Variants in CCNY observed in about 807,000 individuals in gnomAD.
CCNY encodes the protein cyclin Y.
In CCNY, 19 loss-of-function variants were observed where a neutral mutation model predicts 42.8. The observed-to-expected ratio is 0.44, with a 90% CI of 0.31 to 0.65. CCNY has a LOEUF of 0.65. Ranked by LOEUF, CCNY falls within the 30% of genes least tolerant of loss-of-function variation. The pLI is 0.07. For synonymous variants in CCNY, 165 were observed against 162.7 expected (o/e 1.01, Z -0.11); for missense variants, 370 against 437.3 (o/e 0.85, Z 1.37).
At chr10:35,503,017 A>T (rs148201108) in intron 3 of CCNY, among the ~76,000 whole-genome samples, 2 of 152,244 alleles carry the variant, frequency 1.3e-5, no homozygotes, top group Non-Finnish European at 2.9e-5. Flanking sequence ...CTCTGTTATC[A>T]TTGTAGCTGA....
intron 1 of CCNY, among the ~76,000 whole-genome samples, chr10:35,355,658 A>G (rs1836529793): frequency 1.4e-5 from 2 of 142,672 alleles, no homozygotes; most frequent in African/African-American, 5.2e-5. Context: ...AGCCTGGGCA[A>G]CAGAGCAAGA....
At chr10:35,355,678 CAAAAAAAAAAAAAAAAAA>C (rs60257114) in intron 1 of CCNY, among the ~76,000 whole-genome samples, 4 of 57,416 alleles carry the variant, frequency 7.0e-5, no homozygotes, top group East Asian at 6.1e-4. Context: ...ATACTGTCTC[CAAAAAAAAAAAAAAAAAA>C]AAAAAAAAAA....
intron 1 of CCNY, among the ~76,000 whole-genome samples, chr10:35,454,748 T>C (rs1838993200): frequency 6.6e-6 from 1 of 152,236 alleles, no homozygotes; most frequent in South Asian, 2.1e-4. Context: ...AGCAGCTTTC[T>C]TCCTGGCTTT....
At chr10:35,398,361 T>G (rs1223674068) in intron 1 of CCNY, among the ~76,000 whole-genome samples, 1 of 152,220 alleles carries the variant, frequency 6.6e-6, no homozygotes, top group African/African-American at 2.4e-5. Flanking sequence ...CAGGTTGTGT[T>G]CCTTGGAAGT....
Position 35,386,676 on chromosome 10 carries a change from C to T in CCNY, c.154+49469C>T, listed in dbSNP as rs535777869. ...CAGTGTACGGCCTTCCAATATTGAC[C>T]GAGTTGAAGGAAACTTGGAGGTTTT... On this transcript the variant is annotated intron_variant, in intron 1 of 9. Coordinates refer to ENST00000374704, the MANE Select transcript of CCNY (RefSeq NM_145012.6). 9.9e-5 allele frequency among the ~76,000 whole-genome samples: 15 copies of T among 152,084 alleles called. No homozygotes were observed. The South Asian group carries it at 2.1e-3, about 21-fold the overall frequency.
intron 3 of CCNY, among the ~76,000 whole-genome samples, chr10:35,307,788 G>C (rs1468999337): frequency 3.7e-5 from 3 of 80,380 alleles, no homozygotes; most frequent in East Asian, 2.9e-4. Flanking sequence ...GTGTGTGTGT[G>C]TGTGTGTGTG....
chr10:35,474,167 TGCTAGCACA>T (rs893862782), intron 1 of CCNY, among the ~76,000 whole-genome samples: 6 of 152,178 alleles, frequency 3.9e-5, no homozygotes, highest in African/African-American at 1.4e-4. Context: ...TCTCGCTGAC[TGCTAGCACA>T]GCAGTCTGAG....
At chr10:35,352,370 A>G (rs1180245209) in intron 1 of CCNY, among the ~76,000 whole-genome samples, 1 of 152,240 alleles carries the variant, frequency 6.6e-6, no homozygotes, top group East Asian at 1.9e-4. Flanking sequence ...CTTCATCCAC[A>G]GAGAAGATGT....
intron 2 of CCNY, among the ~76,000 whole-genome samples, chr10:35,489,510 C>T (rs2135376219): frequency 6.6e-6 from 1 of 152,198 alleles, no homozygotes. Context: ...CCATGTTAGC[C>T]AGGGTGGTCT....
intron 3 of CCNY, among the ~76,000 whole-genome samples, chr10:35,270,375 C>G (rs532110563): frequency 6.6e-6 from 1 of 152,098 alleles, no homozygotes; most frequent in Non-Finnish European, 1.5e-5. Context: ...ACATTCAAAT[C>G]TAGCACAAAT....
intron 3 of CCNY, among the ~76,000 whole-genome samples, chr10:35,285,875 C>T (rs191733686): frequency 3.9e-5 from 6 of 152,000 alleles, no homozygotes; most frequent in Admixed American, 6.6e-5. Context: ...TGCAATGGCA[C>T]GATCTGGGCT....
At position 35,313,281 on chromosome 10, in the gene CCNY, T is replaced by C. The variant is rs865933897; in HGVS notation, c.-9+62655T>C. On this transcript the variant is annotated intron_variant, in intron 3 of 11. Coordinates refer to the CCNY transcript ENST00000374706. Reference sequence around the variant, plus strand: ...GGACATATAGATTCCACATAGTATATACCATTTTCACAAATTTCTTTACAT... The same window carrying C: ...GGACATATAGATTCCACATAGTATACACCATTTTCACAAATTTCTTTACAT... Among the ~76,000 whole-genome samples, 104 of 152,356 alleles carry C rather than the reference T, an allele frequency of 6.8e-4. 1 individual carries two copies. Among genetic ancestry groups the C allele is most frequent in the African/African-American group, 2.5e-3 (102 of 41,590 alleles).
chr10:35,444,538 G>A (rs1838749162), intron 1 of CCNY, among the ~76,000 whole-genome samples: 1 of 152,192 alleles, frequency 6.6e-6, no homozygotes, highest in African/African-American at 2.4e-5. Context: ...GTGAGCCACT[G>A]TGTCTGGCTA....
chr10:35,565,524 C>T (rs935671598), intron 8 of CCNY, among the ~76,000 whole-genome samples: 9 of 152,160 alleles, frequency 5.9e-5, no homozygotes, highest in Non-Finnish European at 1.2e-4. Context: ...CCCCATAATC[C>T]CTGCCTTTTG....
chr10:35,352,671 A>T (rs1439066291), intron 1 of CCNY, among the ~76,000 whole-genome samples: 10 of 152,220 alleles, frequency 6.6e-5, no homozygotes, highest in Admixed American at 6.5e-4. Context: ...TTAAGGACAT[A>T]ATGATCTATT....
intron 1 of CCNY, among the ~76,000 whole-genome samples, chr10:35,452,770 TAAAAAA>T (rs35849411): frequency 6.0e-5 from 7 of 115,914 alleles, no homozygotes; most frequent in African/African-American, 2.2e-4. Context: ...TATAGAAAAG[TAAAAAA>T]AAAAAAAAAA....
intron 1 of CCNY, among the ~76,000 whole-genome samples, chr10:35,457,604 G>C (rs1383822624): frequency 6.7e-6 from 1 of 148,506 alleles, no homozygotes. Context: ...TTTTTGAGAT[G>C]GAGTCTCACT....
chr10:35,386,962 C>T (rs1191955591), intron 1 of CCNY, among the ~76,000 whole-genome samples: 1 of 152,146 alleles, frequency 6.6e-6, no homozygotes, highest in African/African-American at 2.4e-5. Context: ...CGTTCACATT[C>T]TTCAGTGAAC....
chr10:35,521,747 A>G (rs1286061629), intron 4 of CCNY, among the ~76,000 whole-genome samples: 4 of 152,160 alleles, frequency 2.6e-5, no homozygotes, highest in African/African-American at 4.8e-5. Context: ...CCTGCTTTCC[A>G]GGGGCCGGAT....
Sources: gnomAD v4.1 joint callset for allele counts (sites outside exome capture counted in the v4.1 genomes callset) on GRCh38, gnomAD v4.1.1 for gene constraint, MANE v1.5 for transcripts, NCBI Gene and HGNC (gene_info 2026-07-23, HGNC 2026-07-21) for gene names.